Variants in BRINP3 observed in about 807,000 individuals in gnomAD.
BRINP3 encodes BMP/retinoic acid-inducible neural-specific protein 3.
Under a neutral mutation model 71.0 loss-of-function variants are expected in BRINP3, and 19 were observed. The observed-to-expected ratio is 0.27, with a 90% CI of 0.19 to 0.39. The LOEUF (loss-of-function observed/expected upper bound fraction) is 0.39. BRINP3 is among the 10% of genes least tolerant of loss of function. BRINP3 has a pLI of 1.00. For missense variants in BRINP3, 959 were observed against 940.8 expected, an observed-to-expected ratio of 1.02 and a Z score of -0.25; for synonymous variants, 380 against 337.7, an observed-to-expected ratio of 1.13 and a Z score of -1.37.
At chr1:190,463,530 A>G (rs1044312725) in intron 1 of BRINP3, among the ~76,000 whole-genome samples, 17 of 151,874 alleles carry the variant, frequency 1.1e-4, no homozygotes, top group African/African-American at 4.1e-4. Flanking sequence ...ACATCAGTCA[A>G]TACTCAGGTA....
At chr1:190,185,135 C>T (rs1409688642) in intron 6 of BRINP3, among the ~76,000 whole-genome samples, 1 of 151,908 alleles carries the variant, frequency 6.6e-6, no homozygotes, top group Non-Finnish European at 1.5e-5. Flanking sequence ...AGCTTTTGCA[C>T]AGCAAAGGAA....
At chr1:190,375,610 T>A (rs1336240624) in intron 2 of BRINP3, among the ~76,000 whole-genome samples, 2 of 151,904 alleles carry the variant, frequency 1.3e-5, no homozygotes, top group Non-Finnish European at 2.9e-5. Context: ...GCAACACATA[T>A]GAACAGGCAG....
chr1:190,128,835 C>G (rs1425042130), intron 7 of BRINP3, among the ~76,000 whole-genome samples: 1 of 151,668 alleles, frequency 6.6e-6, no homozygotes, highest in Non-Finnish European at 1.5e-5. Flanking sequence ...TTAAATATAG[C>G]TAATGCTTTG....
chr1:190,182,297 T>C (rs924719389), intron 6 of BRINP3, among the ~76,000 whole-genome samples: 23 of 152,096 alleles, frequency 1.5e-4, no homozygotes, highest in African/African-American at 5.1e-4. Flanking sequence ...TTTCCTCTTC[T>C]TGCAGGCTTC....
intron 7 of BRINP3, among the ~76,000 whole-genome samples, chr1:190,156,146 G>A (rs1436091772): frequency 6.6e-6 from 1 of 152,084 alleles, no homozygotes; most frequent in Non-Finnish European, 1.5e-5. Context: ...AGCAAAAATG[G>A]TGAGATTAAT....
chr1:190,453,293 T>TCA (rs1558300604), intron 2 of BRINP3, among the ~76,000 whole-genome samples: 1 of 131,510 alleles, frequency 7.6e-6, no homozygotes, highest in Non-Finnish European at 1.6e-5. Context: ...CGATCTCGGC[T>TCA]CACTGCAAGC....
At chr1:190,424,242 GTGT>G (rs1374434756) in intron 2 of BRINP3, among the ~76,000 whole-genome samples, 1 of 151,580 alleles carries the variant, frequency 6.6e-6, no homozygotes, top group Non-Finnish European at 1.5e-5. Context: ...TTTCTGGAAT[GTGT>G]TGTTATATAG....
chr1:190,230,990 A>C (rs1200618468), intron 5 of BRINP3, among the ~76,000 whole-genome samples: 1 of 151,570 alleles, frequency 6.6e-6, no homozygotes, highest in Non-Finnish European at 1.5e-5. Context: ...TAATTATCAT[A>C]TAGTATAATG....
At chr1:190,194,012 TC>T (rs1381854259) in intron 6 of BRINP3, among the ~76,000 whole-genome samples, 1 of 152,094 alleles carries the variant, frequency 6.6e-6, no homozygotes, top group Non-Finnish European at 1.5e-5. Flanking sequence ...AAATCTCTCC[TC>T]CCTATTGCAA....
At chr1:190,354,137 A>G (rs937729321) in intron 2 of BRINP3, among the ~76,000 whole-genome samples, 1 of 151,954 alleles carries the variant, frequency 6.6e-6, no homozygotes, top group African/African-American at 2.4e-5. Flanking sequence ...TACCAATTTG[A>G]CTAAGCTATA....
At chr1:190,289,890 C>T (rs1158112443) in intron 2 of BRINP3, among the ~76,000 whole-genome samples, 1 of 151,944 alleles carries the variant, frequency 6.6e-6, no homozygotes, top group Non-Finnish European at 1.5e-5. Flanking sequence ...ACTTGTGTCA[C>T]TCTTTGATTC....
intron 2 of BRINP3, among the ~76,000 whole-genome samples, chr1:190,380,228 G>T (rs957041235): frequency 2.0e-5 from 3 of 152,084 alleles, no homozygotes; most frequent in South Asian, 4.2e-4. Context: ...AGACTTAAAA[G>T]GGTTTTTTAA....
chr1:190,158,813 G>C (rs1254166563), intron 7 of BRINP3, among the ~76,000 whole-genome samples: 2 of 151,472 alleles, frequency 1.3e-5, no homozygotes, highest in East Asian at 3.9e-4. Flanking sequence ...CTAAAAGTTA[G>C]TGAAAAATGA....
intron 6 of BRINP3, among the ~76,000 whole-genome samples, chr1:190,206,728 A>C (rs920222451): frequency 4.6e-5 from 7 of 152,136 alleles, no homozygotes; most frequent in Non-Finnish European, 8.8e-5. Context: ...AATTGAGATT[A>C]TTCCTAGAAG....
chr1:190,195,123 AT>A (rs1654364892), intron 6 of BRINP3, among the ~76,000 whole-genome samples: 1 of 152,128 alleles, frequency 6.6e-6, no homozygotes, highest in Non-Finnish European at 1.5e-5. Context: ...CATTAGATGT[AT>A]TTTATATATG....
chr1:190,429,657 C>T (rs1230230827), intron 2 of BRINP3, among the ~76,000 whole-genome samples: 4 of 147,030 alleles, frequency 2.7e-5, no homozygotes, highest in Non-Finnish European at 5.9e-5. Flanking sequence ...ATGAGGAGAT[C>T]TCAGCTCACT....
intron 6 of BRINP3, among the ~76,000 whole-genome samples, chr1:190,182,377 G>C (rs898290235): frequency 6.6e-6 from 1 of 151,922 alleles, no homozygotes; most frequent in Non-Finnish European, 1.5e-5. Context: ...TTTTCTTTCA[G>C]AATATTTTCT....
chr1:190,135,536 A>G (rs919973135), intron 7 of BRINP3, among the ~76,000 whole-genome samples: 4 of 152,126 alleles, frequency 2.6e-5, no homozygotes, highest in Non-Finnish European at 5.9e-5. Context: ...AGAAGTAGCC[A>G]GAAATCATAA....
chr1:190,134,047 C>A (rs1421756846), intron 7 of BRINP3, among the ~76,000 whole-genome samples: 1 of 152,082 alleles, frequency 6.6e-6, no homozygotes, highest in Non-Finnish European at 1.5e-5. Context: ...AATAGTCCCA[C>A]TGGGGCTTTC....
Sources: allele counts gnomAD v4.1 joint callset (sites outside exome capture counted in the v4.1 genomes callset), GRCh38; gene constraint gnomAD v4.1.1; transcripts MANE v1.5; gene names NCBI Gene and HGNC (gene_info 2026-07-23, HGNC 2026-07-21).